The following EPHA6 variants were observed in gnomAD, a reference collection of about 807,000 sequenced individuals.
EPHA6 encodes EPH receptor A6.
Under a neutral mutation model 112.0 loss-of-function variants are expected in EPHA6, and 50 were observed. The observed-to-expected ratio is 0.45, with a 90% CI of 0.36 to 0.56. The LOEUF is 0.56. Among genes scored for constraint, EPHA6 ranks in the 20% least tolerant of loss-of-function variants. EPHA6 has a pLI of 0.00. For synonymous variants in EPHA6, 529 were observed against 490.7 expected, an observed-to-expected ratio of 1.08 and a Z score of -1.03; for missense variants, 1,280 against 1,417.4, an observed-to-expected ratio of 0.90 and a Z score of 1.56.
intron 14 of EPHA6, among the ~76,000 whole-genome samples, chr3:97,716,545 G>C (rs1576342323): frequency 8.3e-6 from 1 of 120,752 alleles, no homozygotes; most frequent in Non-Finnish European, 1.5e-5. Context: ...TCCGCAGTCC[G>C]GCCCGGGCGA....
At chr3:97,212,036 A>G (rs2077891339) in intron 3 of EPHA6, among the ~76,000 whole-genome samples, 1 of 152,166 alleles carries the variant, frequency 6.6e-6, no homozygotes, top group African/African-American at 2.4e-5. Context: ...TTTTGAAGAC[A>G]TTTTTCTTTA....
At chr3:97,044,753 C>T (rs1473540594) in intron 3 of EPHA6, among the ~76,000 whole-genome samples, 1 of 151,984 alleles carries the variant, frequency 6.6e-6, no homozygotes, top group Non-Finnish European at 1.5e-5. Context: ...GGGACACCGA[C>T]TCAATTGGCT....
At chr3:97,206,407 C>T (rs2077713488) in intron 3 of EPHA6, among the ~76,000 whole-genome samples, 3 of 152,044 alleles carry the variant, frequency 2.0e-5, no homozygotes, top group African/African-American at 7.2e-5. Context: ...TAACCATACC[C>T]TATTAGCTAC....
intron 2 of EPHA6, among the ~76,000 whole-genome samples, chr3:96,979,433 C>G (rs2042666330): frequency 6.6e-6 from 1 of 152,116 alleles, no homozygotes; most frequent in South Asian, 2.1e-4. Context: ...GCCACATTTT[C>G]TTAATCCAGT....
chr3:97,081,940 T>G (rs566250223), intron 3 of EPHA6, among the ~76,000 whole-genome samples: 2 of 151,732 alleles, frequency 1.3e-5, no homozygotes, highest in South Asian at 4.1e-4. Flanking sequence ...GAAAGAAAAT[T>G]TATCCAAATA....
chr3:97,736,801 A>G (rs1025062425), intron 16 of EPHA6, among the ~76,000 whole-genome samples: 3 of 152,036 alleles, frequency 2.0e-5, no homozygotes, highest in African/African-American at 4.8e-5. Flanking sequence ...AAAGACTATC[A>G]TCTATGTCTG....
At chr3:97,581,878 T>C (rs1357447845) in intron 11 of EPHA6, among the ~76,000 whole-genome samples, 1 of 152,244 alleles carries the variant, frequency 6.6e-6, no homozygotes, top group East Asian at 1.9e-4. Flanking sequence ...GCAGCGTATT[T>C]AGAATGAGTC....
chr3:96,842,218 C>T (rs2034793658), intron 1 of EPHA6, among the ~76,000 whole-genome samples: 1 of 152,026 alleles, frequency 6.6e-6, no homozygotes, highest in Admixed American at 6.6e-5. Flanking sequence ...CATGACAGAA[C>T]TAGAAATGCT....
chr3:97,197,695 A>T (rs1354584996), intron 3 of EPHA6, among the ~76,000 whole-genome samples: 2 of 151,976 alleles, frequency 1.3e-5, no homozygotes, highest in Non-Finnish European at 2.9e-5. Flanking sequence ...TCACTAGGTC[A>T]CATGCACCCC....
chr3:97,196,515 G>A (rs2077446188), intron 3 of EPHA6, among the ~76,000 whole-genome samples: 1 of 151,936 alleles, frequency 6.6e-6, no homozygotes, highest in African/African-American at 2.4e-5. Context: ...GTGAGGTCAT[G>A]TTTTCCCAGA....
intron 5 of EPHA6, among the ~76,000 whole-genome samples, chr3:97,332,944 CAG>C (rs756331871): frequency 1.2e-4 from 18 of 151,854 alleles, no homozygotes; most frequent in Non-Finnish European, 2.4e-4. Context: ...TTGACTATTG[CAG>C]AGTCTGTCTT....
intron 2 of EPHA6, among the ~76,000 whole-genome samples, chr3:96,979,447 T>C (rs909843438): frequency 1.3e-5 from 2 of 152,166 alleles, no homozygotes; most frequent in African/African-American, 4.8e-5. Flanking sequence ...ATCCAGTCTA[T>C]CATTGATGGA....
At chr3:97,383,489 T>A (rs2085871811) in intron 5 of EPHA6, among the ~76,000 whole-genome samples, 1 of 152,108 alleles carries the variant, frequency 6.6e-6, no homozygotes, top group African/African-American at 2.4e-5. Flanking sequence ...AGCCAAGTAT[T>A]TTCAGTTAAT....
At position 97,332,603 on chromosome 3, in the gene EPHA6, A is replaced by G. The variant is rs181364650; in HGVS notation, c.1607-72547A>G. ...GTTTTTATGTTCTAAATTTAAGTAT[A>G]TTTACATGTATGTCAGTCTGTAATT... On this transcript the variant is annotated intron_variant, in intron 5 of 17. Coordinates refer to ENST00000389672, the MANE Select transcript of EPHA6 (RefSeq NM_001080448.3). 1.2e-3 allele frequency among the ~76,000 whole-genome samples: 180 copies of G among 152,164 alleles called. 1 individual carries two copies. Among genetic ancestry groups the G allele is most frequent in the African/African-American group, 4.1e-3 (172 of 41,528 alleles).
chr3:96,905,278 TA>T (rs1263399228), intron 2 of EPHA6, among the ~76,000 whole-genome samples: 1 of 152,066 alleles, frequency 6.6e-6, no homozygotes, highest in African/African-American at 2.4e-5. Flanking sequence ...TTCTTCTCTA[TA>T]AAAAAGGTCT....
intron 3 of EPHA6, among the ~76,000 whole-genome samples, chr3:97,103,327 A>G (rs2108264997): frequency 6.6e-6 from 1 of 152,254 alleles, no homozygotes; most frequent in Non-Finnish European, 1.5e-5. Context: ...TATATAGTGT[A>G]GGGAGGGGAT....
intron 1 of EPHA6, among the ~76,000 whole-genome samples, chr3:96,820,766 G>T (rs1044472585): frequency 6.6e-6 from 1 of 151,936 alleles, no homozygotes; most frequent in Non-Finnish European, 1.5e-5. Flanking sequence ...AATGCAATTT[G>T]ATTCATTTCT....
At chr3:97,604,109 A>G (rs1169058966) in intron 12 of EPHA6, among the ~76,000 whole-genome samples, 1 of 151,828 alleles carries the variant, frequency 6.6e-6, no homozygotes, top group East Asian at 1.9e-4. Flanking sequence ...GGCTATAATA[A>G]TATACCTATA....
At chr3:97,339,876 G>A (rs941319278) in intron 5 of EPHA6, among the ~76,000 whole-genome samples, 2 of 152,136 alleles carry the variant, frequency 1.3e-5, no homozygotes, top group Non-Finnish European at 2.9e-5. Flanking sequence ...CTTCAGTGAT[G>A]TCACAGAAGG....
Sources: gnomAD v4.1 joint callset for allele counts (sites outside exome capture counted in the v4.1 genomes callset) on GRCh38, gnomAD v4.1.1 for gene constraint, MANE v1.5 for transcripts, NCBI Gene and HGNC (gene_info 2026-07-23, HGNC 2026-07-21) for gene names.